The following FGGY variants were observed in gnomAD, a reference collection of about 807,000 sequenced individuals.
FGGY encodes the protein FGGY carbohydrate kinase domain containing.
FGGY carries 72 observed loss-of-function variants against 71.3 expected under a neutral mutation model. That is an observed-to-expected ratio of 1.01 (90% CI 0.84 to 1.23). The LOEUF (loss-of-function observed/expected upper bound fraction) is 1.23. FGGY is among the 50% of genes most tolerant of loss of function. FGGY has a pLI of 0.00. For missense variants in FGGY, 668 were observed against 682.3 expected, an observed-to-expected ratio of 0.98 and a Z score of 0.23; for synonymous variants, 251 against 250.3, an observed-to-expected ratio of 1.00 and a Z score of -0.02.
chr1:59,547,877 G>T (rs867269798), intron 7 of FGGY, among the ~76,000 whole-genome samples: 2 of 152,156 alleles, frequency 1.3e-5, no homozygotes, highest in South Asian at 2.1e-4. Flanking sequence ...ACTAGTATGT[G>T]ACTTCTGCCA....
chr1:59,615,354 C>T (rs2096740382), intron 9 of FGGY, among the ~76,000 whole-genome samples: 1 of 152,150 alleles, frequency 6.6e-6, no homozygotes. Context: ...CACATATCTA[C>T]AACTATCTGA....
chr1:59,380,528 G>A (rs1232838619), intron 5 of FGGY, among the ~76,000 whole-genome samples: 2 of 151,576 alleles, frequency 1.3e-5, no homozygotes, highest in African/African-American at 4.9e-5. Flanking sequence ...GTTTTGATTT[G>A]CATTTCTCTG....
chr1:59,368,286 G>C (rs973013871), intron 4 of FGGY, among the ~76,000 whole-genome samples: 1 of 152,184 alleles, frequency 6.6e-6, no homozygotes, highest in African/African-American at 2.4e-5. Flanking sequence ...GTGCTTAGAA[G>C]GGCTTTTGTT....
intron 14 of FGGY, among the ~76,000 whole-genome samples, chr1:59,750,148 C>T (rs2098232992): frequency 6.6e-6 from 1 of 152,116 alleles, no homozygotes; most frequent in Admixed American, 6.6e-5. Flanking sequence ...GGATCCAACC[C>T]CAAGCCCATT....
At chr1:59,575,793 C>G (rs958162385) in intron 8 of FGGY, among the ~76,000 whole-genome samples, 10 of 152,094 alleles carry the variant, frequency 6.6e-5, no homozygotes, top group African/African-American at 2.2e-4. Flanking sequence ...TATATATGCT[C>G]TGCATGCATT....
At chr1:59,716,667 A>G (rs1054369944) in intron 14 of FGGY, among the ~76,000 whole-genome samples, 1 of 152,216 alleles carries the variant, frequency 6.6e-6, no homozygotes, top group Admixed American at 6.5e-5. Context: ...AAAGTAAGTT[A>G]TTTAGTACAG....
At chr1:59,666,568 A>G (rs1291211595) in intron 12 of FGGY, among the ~76,000 whole-genome samples, 1 of 152,246 alleles carries the variant, frequency 6.6e-6, no homozygotes, top group East Asian at 1.9e-4. Flanking sequence ...TGAACTTAGC[A>G]AGACAGACAT....
intron 7 of FGGY, among the ~76,000 whole-genome samples, chr1:59,551,608 A>C (rs1406348042): frequency 3.3e-5 from 5 of 152,092 alleles, no homozygotes; most frequent in African/African-American, 1.2e-4. Context: ...TTGGATTTTT[A>C]TCTTAGAGAA....
intron 8 of FGGY, among the ~76,000 whole-genome samples, chr1:59,592,378 A>G (rs372104219): frequency 0.03 from 4,520 of 151,414 alleles, 74 homozygotes; most frequent in Middle Eastern, 0.073. Context: ...TCAGTGTGGC[A>G]ATTCCTCAGG....
At chr1:59,511,590 C>T (rs2094519963) in intron 6 of FGGY, among the ~76,000 whole-genome samples, 1 of 152,150 alleles carries the variant, frequency 6.6e-6, no homozygotes, top group South Asian at 2.1e-4. Flanking sequence ...CACAGCCCCA[C>T]AGCACCCACA....
At chr1:59,324,108 A>G (rs999428288) in intron 2 of FGGY, among the ~76,000 whole-genome samples, 2 of 152,072 alleles carry the variant, frequency 1.3e-5, no homozygotes, top group African/African-American at 4.8e-5. Flanking sequence ...AGTCATTCAC[A>G]TTGCCTGAGA....
intron 7 of FGGY, among the ~76,000 whole-genome samples, chr1:59,519,843 C>T (rs1244002392): frequency 6.6e-6 from 1 of 152,250 alleles, no homozygotes; most frequent in Non-Finnish European, 1.5e-5. Flanking sequence ...TAACTAATCT[C>T]ATAGCAAGAT....
In FGGY at chr1:59,674,044, C is replaced by T. The variant is rs1433577985; in HGVS notation, c.1423C>T (p.Pro475Ser). 1 of 1,613,420 alleles carries T rather than the reference C, an allele frequency of 6.2e-7. No homozygotes were observed. The highest frequency in any genetic ancestry group is 1.7e-5 in the Admixed American group (1 of 59,944). Residue 475 changes from proline (P) to serine (S), a missense_variant, in exon 14 of 16, where the codon CCT (proline) becomes TCT (serine). Physicochemically the swap from Pro to Ser is moderately conservative, Grantham distance 74. Coordinates refer to ENST00000303721, the MANE Select transcript of FGGY (RefSeq NM_018291.5). ...TGTGGCCTTGTCCTGCGCAGGCATG[C>T]CTGTGGTCCTGTCGCAAGAGGTGGA... ...VQMHADITGM[P>S]VVLSQEVESV...
intron 14 of FGGY, among the ~76,000 whole-genome samples, chr1:59,749,335 C>T (rs2098226111): frequency 6.6e-6 from 1 of 152,056 alleles, no homozygotes; most frequent in African/African-American, 2.4e-5. Flanking sequence ...TACAGGAGAC[C>T]CAGGACTTGT....
intron 4 of FGGY, among the ~76,000 whole-genome samples, chr1:59,372,033 G>C (rs1435870245): frequency 6.6e-6 from 1 of 152,104 alleles, no homozygotes; most frequent in East Asian, 1.9e-4. Flanking sequence ...TCAAAAGCTA[G>C]CAGAAGGCGA....
chr1:59,599,143 G>T (rs61788912), intron 8 of FGGY, among the ~76,000 whole-genome samples: 1 of 151,986 alleles, frequency 6.6e-6, no homozygotes, highest in Non-Finnish European at 1.5e-5. Flanking sequence ...TCACCCTGTC[G>T]CCCAGGATAG....
At chr1:59,559,157 G>T (rs1293539963) in intron 8 of FGGY, among the ~76,000 whole-genome samples, 1 of 152,046 alleles carries the variant, frequency 6.6e-6, no homozygotes, top group African/African-American at 2.4e-5. Context: ...AAGATAACAG[G>T]GTTAAGAGAT....
intron 8 of FGGY, among the ~76,000 whole-genome samples, chr1:59,600,172 G>A (rs1441386429): frequency 6.6e-6 from 1 of 152,168 alleles, no homozygotes; most frequent in Non-Finnish European, 1.5e-5. Flanking sequence ...CTGGACTAAC[G>A]TAGTGGCAAT....
At chr1:59,540,349 T>C (rs2095420962) in intron 7 of FGGY, among the ~76,000 whole-genome samples, 1 of 152,226 alleles carries the variant, frequency 6.6e-6, no homozygotes, top group Non-Finnish European at 1.5e-5. Context: ...CCATCAATAA[T>C]AGAATTCATC....
Sources: allele counts gnomAD v4.1 joint callset (sites outside exome capture counted in the v4.1 genomes callset), GRCh38; gene constraint gnomAD v4.1.1; transcripts MANE v1.5; gene names NCBI Gene and HGNC (gene_info 2026-07-23, HGNC 2026-07-21).